WIPI1: variants seen among roughly 807,000 people sequenced by gnomAD.
WIPI1 encodes the protein WD repeat domain phosphoinositide-interacting protein 1.
A neutral mutation model predicts 55.3 loss-of-function variants in WIPI1; 45 were observed. The observed-to-expected ratio is 0.81, with a 90% CI of 0.64 to 1.04. The LOEUF (loss-of-function observed/expected upper bound fraction) is 1.04, where lower values mean the gene tolerates loss of function less well. Among genes scored for constraint, WIPI1 ranks in the 50% least tolerant of loss-of-function variants. The pLI, the probability that WIPI1 is intolerant of heterozygous loss-of-function variation, is 0.00. For missense variants in WIPI1, 445 were observed against 559.0 expected, an observed-to-expected ratio of 0.80 and a Z score of 2.06; for synonymous variants, 195 against 217.6, an observed-to-expected ratio of 0.90 and a Z score of 0.92.
At position 68,426,119 on chromosome 17, in the gene WIPI1, C is replaced by T. The variant is rs1461485962; in HGVS notation, c.1249G>A (p.Ala417Thr). The change falls in exon 12 of 13, where the codon GCG (alanine) becomes ACG (threonine). Residue 417 changes from alanine (A) to threonine (T), a missense_variant. Coordinates refer to ENST00000262139, the MANE Select transcript of WIPI1 (RefSeq NM_017983.7). The stretch of plus-strand genomic sequence containing the variant: ...TCATCAAGACACACTGGTCCCGTCG[C>T]AAACTCATGTTCAGGAATAACTTCT... ...RGEVIPEHEF[A>T]TGPVCLDDEN... is the part of the protein sequence containing the mutation. The T allele has an allele frequency of 1.2e-6, 2 of 1,612,612 alleles. No homozygotes were observed. Among genetic ancestry groups the T allele is most frequent in the East Asian group, 2.2e-5 (1 of 44,872 alleles).
At chr17:68,448,315 T>C (rs1461337911) in intron 3 of WIPI1, 2 of 152,214 alleles carry the variant, frequency 1.3e-5, no homozygotes, top group Non-Finnish European at 2.9e-5. Context: ...CTGTTTCAAA[T>C]CATTCTTGTC....
Position 68,452,957 on chromosome 17 carries a change from A to C in WIPI1, c.116T>G (p.Leu39Arg). The C allele has an allele frequency of 6.2e-7, 1 of 1,614,124 alleles. No individual in the cohort carries two copies. The highest frequency in any genetic ancestry group is 2.2e-5 in the East Asian group (1 of 44,876). ...LATGTKAGYK[L>R]FSLSSVEQLD... The stretch of plus-strand genomic sequence containing the variant: ...CTGCTCCACAGAACTCAGAGAAAAC[A>C]GCTTATACCCGGCTTTAGTTCCAGT... The change falls in exon 2 of 13, where the codon CTG becomes CGG. Residue 39 changes from leucine to arginine, a missense_variant. By Grantham distance (102) the Leu-to-Arg change is moderately radical (BLOSUM62 -2). Transcript: ENST00000262139.
At chr17:68,444,915 CTTTTT>C (rs10607287) in intron 3 of WIPI1, among the ~76,000 whole-genome samples, 7 of 89,084 alleles carry the variant, frequency 7.9e-5, no homozygotes, top group Non-Finnish European at 1.3e-4. Context: ...ATCCTGAACA[CTTTTT>C]TTTTTTTTTT....
chr17:68,456,263 T>G (rs917046300), intron 1 of WIPI1, among the ~76,000 whole-genome samples: 6 of 152,188 alleles, frequency 3.9e-5, no homozygotes, highest in Admixed American at 3.3e-4. Flanking sequence ...CACCGGGTGT[T>G]TTTAAACAGA....
intron 1 of WIPI1, among the ~76,000 whole-genome samples, chr17:68,456,105 A>G (rs2084638987): frequency 6.6e-6 from 1 of 152,256 alleles, no homozygotes; most frequent in African/African-American, 2.4e-5. Context: ...TGTATGTGTT[A>G]TGGGTATTGG....
At chr17:68,425,234 C>T (rs895034621) in intron 12 of WIPI1, among the ~76,000 whole-genome samples, 14 of 152,212 alleles carry the variant, frequency 9.2e-5, no homozygotes, top group Non-Finnish European at 2.1e-4. Flanking sequence ...GATAGAGTCT[C>T]ACTCTTTCAC....
In WIPI1 at chr17:68,431,489, C is replaced by T. The variant is rs181576226; in HGVS notation, c.801-1329G>A. 2.3e-3 allele frequency among the ~76,000 whole-genome samples: 355 copies of T among 151,662 alleles called. 1 individual carries two copies. The highest frequency in any genetic ancestry group is 3.8e-3 in the Non-Finnish European group (255 of 67,916). On this transcript the variant is annotated intron_variant, in intron 8 of 12. Coordinates refer to ENST00000262139, the MANE Select transcript of WIPI1 (RefSeq NM_017983.7). ...CTGCAGCAGGTCTGACTCAGGGGGACGGGAGGAGCTGGGACTTCATTCCCA... is the reference window on the plus strand; with the variant it reads ...CTGCAGCAGGTCTGACTCAGGGGGATGGGAGGAGCTGGGACTTCATTCCCA...
chr17:68,439,237 A>C (rs928171225), intron 4 of WIPI1, among the ~76,000 whole-genome samples: 4 of 152,256 alleles, frequency 2.6e-5, no homozygotes, highest in African/African-American at 7.2e-5. Context: ...CCCAAATGTT[A>C]TCAACTGATA....
chr17:68,450,115 A>G (rs768558465), intron 3 of WIPI1, among the ~76,000 whole-genome samples: 10 of 152,252 alleles, frequency 6.6e-5, no homozygotes, highest in Non-Finnish European at 1.3e-4. Flanking sequence ...AAAAGAGAAC[A>G]TATTGCCTAT....
At chr17:68,439,885 C>G (rs1034634812) in intron 4 of WIPI1, among the ~76,000 whole-genome samples, 3 of 152,162 alleles carry the variant, frequency 2.0e-5, no homozygotes, top group African/African-American at 7.2e-5. Flanking sequence ...TCTGAAAATA[C>G]TGGGCGTGTC....
chr17:68,440,152 C>G (rs1329590748), intron 4 of WIPI1, among the ~76,000 whole-genome samples: 1 of 152,170 alleles, frequency 6.6e-6, no homozygotes, highest in Non-Finnish European at 1.5e-5. Flanking sequence ...AGTTTTGCCT[C>G]CAGGCTCGCA....
chr17:68,441,087 G>T (rs538134889), intron 4 of WIPI1: 8 of 152,298 alleles, frequency 5.3e-5, no homozygotes, highest in Non-Finnish European at 1.0e-4. Context: ...ATAAAAGGTG[G>T]TCAGCTCTGT....
In WIPI1 at chr17:68,426,063, C is replaced by G. The variant is rs771974997; in HGVS notation, c.1293+12G>C. 6 of 1,612,024 alleles carry G rather than the reference C, an allele frequency of 3.7e-6. No individual in the cohort carries two copies. In the African/African-American group the frequency reaches 6.7e-5, roughly 18 times the overall value. The stretch of plus-strand genomic sequence containing the variant: ...AGACTGAGCCGCCCAGTTACGGGTT[C>G]CTAATGCTCACAGGAGGAAACTCAT... On this transcript the variant is annotated intron_variant, in intron 12 of 12. Transcript: ENST00000262139.
chr17:68,425,854 ACT>A (rs2083133813), intron 12 of WIPI1: 1 of 474,492 alleles, frequency 2.1e-6, no homozygotes, highest in South Asian at 3.3e-5. Context: ...GTATTCGGTG[ACT>A]CTAATGCCAT....
chr17:68,456,682 A>G (rs1015240947), intron 1 of WIPI1, among the ~76,000 whole-genome samples: 3 of 152,056 alleles, frequency 2.0e-5, no homozygotes, highest in African/African-American at 7.3e-5. Context: ...CCGGGAAAAG[A>G]GTCTTGGACT....
chr17:68,428,995 T>C, intron 9 of WIPI1, 59 bp from the exon 10 acceptor site: 1 of 1,344,556 alleles, frequency 7.4e-7, no homozygotes, highest in Admixed American at 1.8e-5. Context: ...TGGATTCGCT[T>C]CCAATGACAA....
intron 6 of WIPI1, among the ~76,000 whole-genome samples, chr17:68,435,092 A>T (rs1430275724): frequency 6.6e-6 from 1 of 152,064 alleles, no homozygotes; most frequent in Non-Finnish European, 1.5e-5. Context: ...CTGTAATCTC[A>T]GCTACTCGGG....
intron 1 of WIPI1, 132 bp downstream of exon 1, chr17:68,457,210 G>A (rs1301375042): frequency 1.8e-6 from 2 of 1,090,358 alleles, no homozygotes; most frequent in Non-Finnish European, 1.3e-6. Context: ...ATCCCAATGC[G>A]TCCGAAGCAG....
At position 68,430,404 on chromosome 17, in the gene WIPI1, A is replaced by G. The variant is rs143247310; in HGVS notation, c.801-244T>C. 4.8e-3 allele frequency among the ~76,000 whole-genome samples: 735 copies of G among 152,326 alleles called. 8 individuals carry two copies. Among genetic ancestry groups the G allele is most frequent in the African/African-American group, 0.017 (694 of 41,574 alleles). On this transcript the variant is annotated intron_variant, in intron 8 of 12. Transcript: ENST00000262139. ...AAGCTGTTAAAAGGTTCCCAATGCT[A>G]CTGCTTTCCCCTATTAAAGAAGGCT...
Sources: gnomAD v4.1 joint callset for allele counts (sites outside exome capture counted in the v4.1 genomes callset) on GRCh38, gnomAD v4.1.1 for gene constraint, MANE v1.5 for transcripts, NCBI Gene and HGNC (gene_info 2026-07-23, HGNC 2026-07-21) for gene names.